The following CDC37L1 variants were observed in gnomAD, a reference collection of about 807,000 sequenced individuals.
CDC37L1 encodes hsp90 co-chaperone Cdc37-like 1.
Under a neutral mutation model 45.9 loss-of-function variants are expected in CDC37L1, and 32 were observed. The observed-to-expected ratio is 0.70, with a 90% confidence interval of 0.53 to 0.94. The LOEUF (loss-of-function observed/expected upper bound fraction) is 0.94. CDC37L1 is among the 40% of genes least tolerant of loss of function. The pLI, the probability that CDC37L1 is intolerant of heterozygous loss-of-function variation, is 0.00. For missense variants in CDC37L1, 434 were observed against 405.7 expected (o/e 1.07, Z -0.60); for synonymous variants, 150 against 133.0 (o/e 1.13, Z -0.88).
intron 2 of CDC37L1, among the ~76,000 whole-genome samples, chr9:4,687,721 C>CTATTTCTTG (rs1425678107): frequency 1.4e-5 from 2 of 146,794 alleles, no homozygotes; most frequent in Non-Finnish European, 3.0e-5. Context: ...CAACAACAGT[C>CTATTTCTTG]TATTTCTTGT....
intron 5 of CDC37L1, among the ~76,000 whole-genome samples, chr9:4,700,671 T>C (rs1841388531): frequency 6.6e-6 from 1 of 152,194 alleles, no homozygotes; most frequent in African/African-American, 2.4e-5. Context: ...TATGAAATAA[T>C]CACTTTCATG....
chr9:4,682,931 T>C (rs890550177), intron 1 of CDC37L1, among the ~76,000 whole-genome samples: 2 of 148,128 alleles, frequency 1.4e-5, no homozygotes, highest in African/African-American at 2.5e-5. Context: ...TATTCTAAGA[T>C]AACAAAAAGT....
intron 3 of CDC37L1, 141 bp downstream of exon 3, chr9:4,688,747 T>C: frequency 1.9e-6 from 1 of 520,082 alleles, no homozygotes; most frequent in East Asian, 3.8e-5. Context: ...TGTATAGATC[T>C]TGTTTTAGAA....
At chr9:4,698,002 T>A (rs1411376190) in intron 5 of CDC37L1, 123 bp downstream of exon 5, 21 of 879,226 alleles carry the variant, frequency 2.4e-5, no homozygotes, top group Non-Finnish European at 3.5e-5. Flanking sequence ...GTAGATTTTC[T>A]TGTGAAAAGA....
At chr9:4,693,169 A>G (rs1020171296) in intron 3 of CDC37L1, among the ~76,000 whole-genome samples, 2 of 151,952 alleles carry the variant, frequency 1.3e-5, no homozygotes, top group Admixed American at 6.6e-5. Context: ...TAAGCCTGGC[A>G]TAGTGGTTCT....
intron 3 of CDC37L1, among the ~76,000 whole-genome samples, chr9:4,692,797 C>T (rs1841313953): frequency 6.6e-6 from 1 of 152,076 alleles, no homozygotes; most frequent in African/African-American, 2.4e-5. Flanking sequence ...TAATGTGATT[C>T]ACTGTATTAA....
chr9:4,689,109 G>T (rs971638815), intron 3 of CDC37L1, among the ~76,000 whole-genome samples: 2 of 152,118 alleles, frequency 1.3e-5, no homozygotes, highest in Non-Finnish European at 1.5e-5. Flanking sequence ...TAAGAGGGGG[G>T]TTGATACAAG....
chr9:4,680,073 C>T (rs1205892947), intron 1 of CDC37L1, among the ~76,000 whole-genome samples, 174 bp downstream of exon 1: 2 of 152,160 alleles, frequency 1.3e-5, no homozygotes, highest in Non-Finnish European at 1.5e-5. Flanking sequence ...ATGGCATCTT[C>T]GGAGGGCAGA....
intron 6 of CDC37L1, among the ~76,000 whole-genome samples, chr9:4,705,547 T>C (rs1306359495): frequency 6.6e-6 from 1 of 152,304 alleles, no homozygotes; most frequent in Non-Finnish European, 1.5e-5. Context: ...GAAACCACAA[T>C]AGACCCTGAA....
intron 3 of CDC37L1, among the ~76,000 whole-genome samples, chr9:4,692,487 C>G (rs1841310540): frequency 6.6e-6 from 1 of 152,134 alleles, no homozygotes; most frequent in African/African-American, 2.4e-5. Context: ...CCAGGCTGGC[C>G]TTGAACTCCT....
intron 6 of CDC37L1, among the ~76,000 whole-genome samples, chr9:4,704,759 G>A (rs773557509): frequency 1.3e-5 from 2 of 152,026 alleles, no homozygotes; most frequent in Non-Finnish European, 2.9e-5. Flanking sequence ...GACAGCAATC[G>A]TGTGAAATAA....
At chr9:4,702,963 A>T (rs968354773) in intron 6 of CDC37L1, 4 of 801,334 alleles carry the variant, frequency 5.0e-6, no homozygotes, top group African/African-American at 1.8e-5. Context: ...AGGAGACATG[A>T]TCAGACCACT....
chr9:4,694,585 A>G (rs1841329514), intron 3 of CDC37L1, among the ~76,000 whole-genome samples: 6 of 152,272 alleles, frequency 3.9e-5, no homozygotes, highest in Admixed American at 2.6e-4. Context: ...AAAAATATTA[A>G]CATTTGGCAG....
chr9:4,692,414 C>T (rs556151973), intron 3 of CDC37L1, among the ~76,000 whole-genome samples: 2 of 151,946 alleles, frequency 1.3e-5, no homozygotes, highest in African/African-American at 2.4e-5. Flanking sequence ...GGATTACAGG[C>T]GCCTGCTACC....
chr9:4,688,757 A>ATTT, intron 3 of CDC37L1, 151 bp downstream of exon 3: 7 of 379,776 alleles, frequency 1.8e-5, no homozygotes, highest in South Asian at 4.2e-5. Context: ...TTGTTTTAGA[A>ATTT]TTTTTTTTTT....
chr9:4,679,976 C>G, intron 1 of CDC37L1, 77 bp downstream of exon 1: 6 of 1,555,482 alleles, frequency 3.9e-6, no homozygotes, highest in Non-Finnish European at 5.2e-6. Context: ...GTCTCCCAGA[C>G]CCTCTTCTAC....
intron 3 of CDC37L1, among the ~76,000 whole-genome samples, chr9:4,692,350 A>T (rs1315724989): frequency 6.6e-6 from 1 of 151,706 alleles, no homozygotes; most frequent in Non-Finnish European, 1.5e-5. Context: ...GCTCACTGCA[A>T]CCTCCGCCTC....
Position 4,706,256 on chromosome 9 carries a change from A to AT in CDC37L1, c.*152dup. On this transcript the variant is annotated 3_prime_UTR_variant, in exon 7 of 7. Transcript: ENST00000381854. ...GAAAGAGTACTGAAATGTTTTGTAA[A>AT]TTTTTTTTAATGTGCTGCTAGGTTT... is the stretch of plus-strand genomic sequence containing the variant. 5.9e-5 allele frequency: 27 copies of AT among 460,086 alleles called. No homozygotes were observed. Among genetic ancestry groups the AT allele is most frequent in the Non-Finnish European group, 7.6e-5 (19 of 249,594 alleles). The allele number at this position is 460,086 out of a possible 1,614,324, so 28.5% of individuals were successfully genotyped here.
chr9:4,692,984 A>AT (rs774431186), intron 3 of CDC37L1, among the ~76,000 whole-genome samples: 1 of 152,206 alleles, frequency 6.6e-6, no homozygotes, highest in Non-Finnish European at 1.5e-5. Flanking sequence ...ACGTGCAGGC[A>AT]TATCAGTAGA....
Sources: gnomAD v4.1 joint callset for allele counts (sites outside exome capture counted in the v4.1 genomes callset) on GRCh38, gnomAD v4.1.1 for gene constraint, MANE v1.5 for transcripts, NCBI Gene and HGNC (gene_info 2026-07-23, HGNC 2026-07-21) for gene names.